Variants in CTNNA2 observed in about 807,000 individuals in gnomAD.
CTNNA2 encodes catenin alpha 2.
Under a neutral mutation model 101.0 loss-of-function variants are expected in CTNNA2, and 42 were observed. The ratio of observed to expected loss-of-function variants is 0.42; its 90% CI spans 0.32 to 0.54. The LOEUF (loss-of-function observed/expected upper bound fraction) is 0.54. Ranked by LOEUF, CTNNA2 falls within the 20% of genes least tolerant of loss-of-function variation. CTNNA2 has a pLI of 0.14. For synonymous variants in CTNNA2, 450 were observed against 456.4 expected, an observed-to-expected ratio of 0.99 and a Z score of 0.18; for missense variants, 871 against 1,223.1, an observed-to-expected ratio of 0.71 and a Z score of 4.29.
chr2:80,596,547 C>T (rs960827927), intron 15 of CTNNA2, among the ~76,000 whole-genome samples: 8 of 151,546 alleles, frequency 5.3e-5, no homozygotes, highest in East Asian at 3.9e-4. Context: ...CTCCTGACCT[C>T]GTGATCTGCC....
intron 6 of CTNNA2, among the ~76,000 whole-genome samples, chr2:79,903,486 A>T (rs1685211103): frequency 6.6e-6 from 1 of 152,190 alleles, no homozygotes; most frequent in Admixed American, 6.5e-5. Flanking sequence ...AAACTTTGTA[A>T]CATGGCAGAG....
chr2:80,559,716 T>C (rs1338114901), intron 12 of CTNNA2, among the ~76,000 whole-genome samples: 3 of 152,108 alleles, frequency 2.0e-5, no homozygotes, highest in Non-Finnish European at 4.4e-5. Flanking sequence ...TTACATGGCA[T>C]ATTTGATGGG....
chr2:80,104,799 T>C (rs1035862456), intron 7 of CTNNA2, among the ~76,000 whole-genome samples: 8 of 152,230 alleles, frequency 5.3e-5, no homozygotes, highest in Non-Finnish European at 5.9e-5. Flanking sequence ...TCTTTATGCA[T>C]TTTAAAGTGT....
At chr2:79,673,006 C>T (rs1327575103) in intron 2 of CTNNA2, among the ~76,000 whole-genome samples, 1 of 152,002 alleles carries the variant, frequency 6.6e-6, no homozygotes, top group Non-Finnish European at 1.5e-5. Flanking sequence ...CAGGGCACGG[C>T]CTCTGTGCAA....
intron 7 of CTNNA2, among the ~76,000 whole-genome samples, chr2:79,910,331 G>C (rs1685698045): frequency 6.6e-6 from 1 of 152,186 alleles, no homozygotes; most frequent in Non-Finnish European, 1.5e-5. Context: ...GCTTATAAGA[G>C]TGAGTCTCTT....
intron 12 of CTNNA2, among the ~76,000 whole-genome samples, chr2:80,558,447 T>C (rs1279142189): frequency 1.0e-5 from 1 of 98,996 alleles, no homozygotes; most frequent in Non-Finnish European, 2.3e-5. Flanking sequence ...TTTGTTGGTG[T>C]GTGTGTGTGT....
chr2:79,394,350 G>A (rs927547242), intron 4 of CTNNA2, among the ~76,000 whole-genome samples: 3 of 152,126 alleles, frequency 2.0e-5, no homozygotes, highest in Non-Finnish European at 4.4e-5. Context: ...GAACTTTTGT[G>A]GACTAGAATG....
intron 4 of CTNNA2, among the ~76,000 whole-genome samples, chr2:79,866,180 G>T (rs1330317469): frequency 6.6e-6 from 1 of 152,194 alleles, no homozygotes; most frequent in Non-Finnish European, 1.5e-5. Flanking sequence ...ACAGGCCTGC[G>T]AAAAGGCCAA....
intron 7 of CTNNA2, among the ~76,000 whole-genome samples, chr2:80,199,736 C>T (rs1276088688): frequency 2.0e-5 from 3 of 152,188 alleles, no homozygotes; most frequent in Admixed American, 1.3e-4. Context: ...CTTGATCCTT[C>T]CTGGGACAAA....
intron 5 of CTNNA2, among the ~76,000 whole-genome samples, chr2:79,873,390 C>G (rs963521494): frequency 3.9e-5 from 6 of 152,000 alleles, no homozygotes; most frequent in African/African-American, 1.5e-4. Flanking sequence ...AACTAGGGCT[C>G]CCTGCTGTCA....
intron 7 of CTNNA2, among the ~76,000 whole-genome samples, chr2:80,368,867 G>GTGTATATATA (rs112571951): frequency 2.1e-3 from 310 of 144,758 alleles, no homozygotes; most frequent in East Asian, 3.7e-3. Context: ...GTGTGTGTGT[G>GTGTATATATA]TATATATATA....
chr2:79,857,934 T>G, intron 3 of CTNNA2, 79 bp from the exon 4 acceptor site: 1 of 1,412,348 alleles, frequency 7.1e-7, no homozygotes, highest in Non-Finnish European at 9.8e-7. Flanking sequence ...AAACAGTAAT[T>G]GTCCATTCAC....
intron 8 of CTNNA2, among the ~76,000 whole-genome samples, chr2:80,409,581 C>A (rs1167214093): frequency 6.6e-6 from 1 of 152,086 alleles, no homozygotes; most frequent in Non-Finnish European, 1.5e-5. Flanking sequence ...CTTCATCTAC[C>A]AAGAGCTACT....
rs978060934 is a variant in CTNNA2, at chr2:79,769,125, G to A, written c.298+24543G>A. On this transcript the variant is annotated intron_variant, in intron 3 of 18. Transcript: ENST00000402739. ...CCGGCTCGGCCTCCCAAAGTGCTGGGATTACAGGCATGAGCCACTGTGCTC... is the reference window on the plus strand; with the variant it reads ...CCGGCTCGGCCTCCCAAAGTGCTGGAATTACAGGCATGAGCCACTGTGCTC... 1.8e-4 allele frequency among the ~76,000 whole-genome samples: 27 copies of A among 152,172 alleles called. 1 individual carries two copies. The highest frequency in any genetic ancestry group is 6.3e-4 in the African/African-American group (26 of 41,442).
At chr2:80,187,733 T>C (rs1358519257) in intron 7 of CTNNA2, among the ~76,000 whole-genome samples, 1 of 152,016 alleles carries the variant, frequency 6.6e-6, no homozygotes, top group Non-Finnish European at 1.5e-5. Flanking sequence ...TTGGGAATGA[T>C]AGTGAGAATG....
chr2:79,537,451 A>G (rs1422577637), intron 1 of CTNNA2, among the ~76,000 whole-genome samples: 1 of 151,994 alleles, frequency 6.6e-6, no homozygotes, highest in African/African-American at 2.4e-5. Context: ...GCTAGGGTCT[A>G]TGCTTGGGGT....
intron 4 of CTNNA2, among the ~76,000 whole-genome samples, chr2:79,859,523 C>T (rs1347811339): frequency 1.3e-5 from 2 of 152,090 alleles, no homozygotes; most frequent in East Asian, 3.9e-4. Context: ...GCCTGAGCTC[C>T]GAGGTCATAA....
At chr2:79,806,661 C>T (rs1033010857) in intron 3 of CTNNA2, among the ~76,000 whole-genome samples, 1 of 152,000 alleles carries the variant, frequency 6.6e-6, no homozygotes. Context: ...CAGTCTCCCA[C>T]GTTTGCCTCT....
chr2:79,724,601 G>A (rs1281691463), intron 2 of CTNNA2, among the ~76,000 whole-genome samples: 3 of 151,966 alleles, frequency 2.0e-5, no homozygotes, highest in Admixed American at 6.6e-5. Context: ...GCATCAGGAG[G>A]TCAGGAGATC....
Sources: allele counts gnomAD v4.1 joint callset (sites outside exome capture counted in the v4.1 genomes callset), GRCh38; gene constraint gnomAD v4.1.1; transcripts MANE v1.5; gene names NCBI Gene and HGNC (gene_info 2026-07-23, HGNC 2026-07-21).